Variants in GPC5 observed in about 807,000 individuals in gnomAD.
GPC5 encodes the protein glypican 5, also known as glypican-5.
A neutral mutation model predicts 53.9 loss-of-function variants in GPC5; 47 were observed. The observed-to-expected ratio is 0.87, with a 90% CI of 0.69 to 1.11. The LOEUF (loss-of-function observed/expected upper bound fraction) is 1.11. Among genes scored for constraint, GPC5 ranks in the 50% most tolerant of loss-of-function variants. The pLI is 0.00. For missense variants in GPC5, 748 were observed against 713.1 expected (o/e 1.05, Z -0.56); for synonymous variants, 286 against 263.3 (o/e 1.09, Z -0.84).
At chr13:92,224,254 C>T (rs72636840) in intron 7 of GPC5, among the ~76,000 whole-genome samples, 31,106 of 152,040 alleles carry the variant, frequency 0.2, 3,284 homozygotes, top group Admixed American at 0.23. Context: ...GAACCAACCT[C>T]TCTCTTCTCC....
chr13:91,964,932 A>G (rs2040166210), intron 6 of GPC5, among the ~76,000 whole-genome samples: 1 of 152,086 alleles, frequency 6.6e-6, no homozygotes. Context: ...TGTCCTTTGT[A>G]GGGACATGGA....
chr13:92,422,488 TCACACA>T (rs6145177), intron 7 of GPC5, among the ~76,000 whole-genome samples: 150 of 133,388 alleles, frequency 1.1e-3, no homozygotes, highest in African/African-American at 2.4e-3. Context: ...CATCACCATC[TCACACA>T]CACACACACA....
At chr13:92,596,545 C>T (rs1883887364) in intron 7 of GPC5, among the ~76,000 whole-genome samples, 1 of 152,074 alleles carries the variant, frequency 6.6e-6, no homozygotes, top group Admixed American at 6.5e-5. Flanking sequence ...ACAATGTTGG[C>T]TCACTGCAAC....
intron 7 of GPC5, among the ~76,000 whole-genome samples, chr13:92,654,848 A>T (rs1274126516): frequency 6.6e-6 from 1 of 152,196 alleles, no homozygotes; most frequent in African/African-American, 2.4e-5. Context: ...AGCATTTTCA[A>T]ATGTAATAAA....
chr13:92,469,653 G>A (rs547803437), intron 7 of GPC5, among the ~76,000 whole-genome samples: 17 of 152,168 alleles, frequency 1.1e-4, no homozygotes, highest in African/African-American at 4.1e-4. Context: ...TTTGTATAGT[G>A]CAGAATAGAC....
chr13:92,019,424 T>C (rs1232396514), intron 6 of GPC5, among the ~76,000 whole-genome samples: 1 of 152,122 alleles, frequency 6.6e-6, no homozygotes, highest in Non-Finnish European at 1.5e-5. Context: ...TGTGTGTATA[T>C]AATTTGAAGG....
At chr13:91,823,309 A>C (rs2038524932) in intron 5 of GPC5, among the ~76,000 whole-genome samples, 1 of 152,126 alleles carries the variant, frequency 6.6e-6, no homozygotes, top group African/African-American at 2.4e-5. Flanking sequence ...GATTCCATAG[A>C]TTTAGATGTT....
chr13:91,624,559 A>G (rs2033949575), intron 2 of GPC5, among the ~76,000 whole-genome samples: 1 of 152,108 alleles, frequency 6.6e-6, no homozygotes, highest in Admixed American at 6.6e-5. Flanking sequence ...TATAAAATCT[A>G]TGTATAGAAA....
chr13:91,417,387 G>A (rs1348134864), intron 1 of GPC5, among the ~76,000 whole-genome samples: 1 of 152,134 alleles, frequency 6.6e-6, no homozygotes, highest in African/African-American at 2.4e-5. Flanking sequence ...TGGAACTCGA[G>A]ATAACACAAA....
intron 7 of GPC5, among the ~76,000 whole-genome samples, chr13:92,347,917 A>ATAT (rs1566550085): frequency 1.9e-4 from 3 of 15,842 alleles, no homozygotes; most frequent in Admixed American, 2.0e-3. Flanking sequence ...TATATAATAT[A>ATAT]TATATATTAT....
rs142213287 is a variant in GPC5 at position 92,713,525 on chromosome 13, G to A, written c.1562-152757G>A. On this transcript the variant is annotated intron_variant, in intron 7 of 7. Coordinates refer to ENST00000377067, the MANE Select transcript of GPC5 (RefSeq NM_004466.6). ...CAGGAGGCTGAGGCAGGAGAATGGC[G>A]TGAACCCAGGAGGCAGAGCTTGCAG... Among the ~76,000 whole-genome samples, 458 of 150,238 alleles carry A rather than the reference G, an allele frequency of 3.0e-3. 12 individuals are homozygous for A. In the East Asian group the frequency reaches 0.066, roughly 22 times the overall value.
rs1046964785 is a variant in GPC5 at position 91,904,541 on chromosome 13, T to G, written c.1281-3396T>G. Among the ~76,000 whole-genome samples, 65 of 152,128 alleles carry G rather than the reference T, an allele frequency of 4.3e-4. 1 individual carries two copies. Among genetic ancestry groups the G allele is most frequent in the African/African-American group, 1.5e-3 (63 of 41,538 alleles). Reference sequence around the variant, plus strand: ...TTCCTTGCAGCACACTTTATGTATATAGTGTGGCCTTATTTGAGTAACTCA... The same window carrying G: ...TTCCTTGCAGCACACTTTATGTATAGAGTGTGGCCTTATTTGAGTAACTCA... On this transcript the variant is annotated intron_variant, in intron 5 of 7. Coordinates refer to ENST00000377067, the MANE Select transcript of GPC5 (RefSeq NM_004466.6).
chr13:92,711,250 T>TA (rs1355655659), intron 7 of GPC5, among the ~76,000 whole-genome samples: 1 of 152,180 alleles, frequency 6.6e-6, no homozygotes, highest in Non-Finnish European at 1.5e-5. Flanking sequence ...CCCTACTTAT[T>TA]AAAAATTTAG....
At chr13:91,929,891 G>GC (rs2039805622) in intron 6 of GPC5, among the ~76,000 whole-genome samples, 1 of 151,656 alleles carries the variant, frequency 6.6e-6, no homozygotes, top group African/African-American at 2.4e-5. Context: ...AATTTTTCAC[G>GC]GTTTTCCAAA....
intron 7 of GPC5, among the ~76,000 whole-genome samples, chr13:92,677,860 A>C (rs1468833307): frequency 6.6e-6 from 1 of 152,158 alleles, no homozygotes; most frequent in Non-Finnish European, 1.5e-5. Flanking sequence ...TGTCCCAGCT[A>C]ATCTTCACTA....
At chr13:92,327,050 G>T (rs2043257051) in intron 7 of GPC5, among the ~76,000 whole-genome samples, 1 of 152,068 alleles carries the variant, frequency 6.6e-6, no homozygotes, top group Non-Finnish European at 1.5e-5. Context: ...ACTACATCCT[G>T]AGAATTAATG....
intron 7 of GPC5, among the ~76,000 whole-genome samples, chr13:92,545,945 T>G (rs1218148961): frequency 6.6e-6 from 1 of 152,170 alleles, no homozygotes; most frequent in Non-Finnish European, 1.5e-5. Context: ...TTTGTCAATT[T>G]TGGCTTTTGT....
intron 7 of GPC5, among the ~76,000 whole-genome samples, chr13:92,196,731 CT>C (rs2042259098): frequency 6.6e-6 from 1 of 152,176 alleles, no homozygotes; most frequent in South Asian, 2.1e-4. Flanking sequence ...GCCCTTTTCT[CT>C]TCGTATCCAT....
intron 6 of GPC5, among the ~76,000 whole-genome samples, chr13:92,136,163 T>C (rs1162529410): frequency 1.3e-5 from 2 of 152,108 alleles, no homozygotes; most frequent in Non-Finnish European, 2.9e-5. Context: ...TTGAAATATG[T>C]TGTAGAGATA....
Sources: allele counts gnomAD v4.1 joint callset (sites outside exome capture counted in the v4.1 genomes callset), GRCh38; gene constraint gnomAD v4.1.1; transcripts MANE v1.5; gene names NCBI Gene and HGNC (gene_info 2026-07-23, HGNC 2026-07-21).